The following C4orf50 variants were observed in gnomAD, a reference collection of about 807,000 sequenced individuals.
C4orf50 encodes uncharacterized protein C4orf50.
C4orf50 carries 80 observed loss-of-function variants against 77.2 expected under a neutral mutation model. The ratio of observed to expected loss-of-function variants is 1.04; its 90% CI spans 0.87 to 1.25. The LOEUF is 1.25. C4orf50 is among the 50% of genes most tolerant of loss of function. The pLI is 0.00. For synonymous variants in C4orf50, 532 were observed against 465.3 expected, an observed-to-expected ratio of 1.14 and a Z score of -1.84; for missense variants, 1,257 against 1,152.9, an observed-to-expected ratio of 1.09 and a Z score of -1.31.
chr4:5,921,767 T>G, intron 7 of C4orf50, among the ~76,000 whole-genome samples: 1 of 152,110 alleles, frequency 6.6e-6, no homozygotes, highest in East Asian at 1.9e-4. Flanking sequence ...ATAAGAAGTA[T>G]TTTTGCACAC....
downstream of C4orf50, among the ~76,000 whole-genome samples, chr4:5,953,811 G>A (rs571395201): frequency 3.9e-5 from 6 of 152,352 alleles, no homozygotes; most frequent in South Asian, 1.2e-3. Flanking sequence ...GCCACACAGT[G>A]CCTTTGTACA....
intron 7 of C4orf50, among the ~76,000 whole-genome samples, chr4:5,951,675 A>G (rs1266969566): frequency 6.6e-6 from 1 of 152,242 alleles, no homozygotes; most frequent in African/African-American, 2.4e-5. Flanking sequence ...TCCTTCCAAC[A>G]GAAAAATTAA....
At chr4:5,930,833 T>C (rs560298759) in intron 7 of C4orf50, among the ~76,000 whole-genome samples, 1 of 152,342 alleles carries the variant, frequency 6.6e-6, no homozygotes, top group South Asian at 2.1e-4. Context: ...CTGCTGTCCA[T>C]GATGCCCAGC....
chr4:5,972,939 A>G (rs986361061), intron 31 of C4orf50, among the ~76,000 whole-genome samples: 6 of 152,188 alleles, frequency 3.9e-5, no homozygotes, highest in African/African-American at 1.4e-4. Context: ...CCCGGAGCAC[A>G]TCTCCTAACC....
rs559755149 is a variant in C4orf50, at chr4:5,959,328, A to C, written c.*47T>G. The C allele has an allele frequency of 1.0e-5, 16 of 1,576,740 alleles. No individual in the cohort carries two copies. In the South Asian group the frequency reaches 1.8e-4, roughly 18 times the overall value. On this transcript the variant is annotated 3_prime_UTR_variant, in exon 34 of 34. Transcript: ENST00000531445. ...AGCACTCTCTGAAGGTTCTGCTTCA[A>C]ATATTTATGGAGTCTATGAAATGGC...
intron 7 of C4orf50, among the ~76,000 whole-genome samples, chr4:5,926,682 C>T (rs1278105815): frequency 6.6e-6 from 1 of 151,962 alleles, no homozygotes; most frequent in Non-Finnish European, 1.5e-5. Flanking sequence ...GGCCCACAGA[C>T]CATATTTTCT....
rs1477734058 is a variant in C4orf50 at position 6,007,990 on chromosome 4, A to G, written c.963+6T>C. ...ATCATTCCTACCCTGAGTTCCCGCCACTTACCAGGCTGCAGTGACCAATAG... is the reference window on the plus strand; with the variant it reads ...ATCATTCCTACCCTGAGTTCCCGCCGCTTACCAGGCTGCAGTGACCAATAG... On this transcript the variant is annotated splice_donor_region_variant and intron_variant, in intron 25 of 33. Transcript: ENST00000531445. The surrounding 1 kb of genome is among the most constrained non-coding windows in gnomAD (Gnocchi z 4.1). 5.0e-6 allele frequency: 2 copies of G among 399,122 alleles called. No homozygotes were observed. Among genetic ancestry groups the G allele is most frequent in the Admixed American group, 4.4e-5 (1 of 22,744 alleles). The allele number at this position is 399,122 out of a possible 1,614,324, so 24.7% of individuals were successfully genotyped here.
intron 27 of C4orf50, among the ~76,000 whole-genome samples, chr4:5,991,775 G>C (rs751971357): frequency 2.6e-5 from 4 of 152,154 alleles, no homozygotes; most frequent in Non-Finnish European, 5.9e-5. Context: ...TGAGCCTTTG[G>C]AGGGTGACAT....
rs1366606879 is a variant in C4orf50, at chr4:5,992,521, C to T, written c.1221+282G>A. 6.6e-6 allele frequency among the ~76,000 whole-genome samples: 1 copy of T among 152,090 alleles called. No individual in the cohort carries two copies. The highest frequency in any genetic ancestry group is 1.5e-5 in the Non-Finnish European group (1 of 67,998). Reference sequence around the variant, plus strand: ...CTCTCCAGAGCAGAGGTGGCAGCAACACCTCGTGGGTGTCAGGAGGTGTCA... The same window carrying T: ...CTCTCCAGAGCAGAGGTGGCAGCAATACCTCGTGGGTGTCAGGAGGTGTCA... On this transcript the variant is annotated intron_variant, in intron 27 of 33. Coordinates refer to ENST00000531445, the Ensembl canonical transcript of C4orf50. The surrounding 1 kb of genome is among the most constrained non-coding windows in gnomAD (Gnocchi z 5.0).
chr4:5,916,112 G>A lies in C4orf50; in HGVS notation c.*2475-17924C>T, dbSNP rs114242680. Among the ~76,000 whole-genome samples, 2,993 of 152,282 alleles carry A rather than the reference G, an allele frequency of 0.02. 53 individuals carry two copies. The highest frequency in any genetic ancestry group is 0.046 in the South Asian group (220 of 4,824). ...GCAGAGCTCAGCTCCACACAGTAGT[G>A]ACCAGGGACCCAAGCATTGCCAAGA... On this transcript the variant is annotated intron_variant, in intron 7 of 7. Coordinates refer to the C4orf50 transcript ENST00000324058. The surrounding 1 kb of genome is among the most constrained non-coding windows in gnomAD (Gnocchi z 4.4).
chr4:5,909,711 A>G (rs1293781665), intron 7 of C4orf50, among the ~76,000 whole-genome samples: 4 of 152,192 alleles, frequency 2.6e-5, no homozygotes, highest in African/African-American at 9.7e-5. Flanking sequence ...TCTAGTTTCA[A>G]TCTTCTGCGT....
intron 7 of C4orf50, among the ~76,000 whole-genome samples, chr4:5,941,387 G>T (rs980615509): frequency 6.6e-6 from 1 of 152,134 alleles, no homozygotes; most frequent in East Asian, 1.9e-4. Context: ...CTGGCATGCT[G>T]GTTCTGGTTC....
intron 7 of C4orf50, among the ~76,000 whole-genome samples, chr4:5,936,208 G>GA (rs11333410): frequency 0.022 from 3,216 of 147,178 alleles, 83 homozygotes; most frequent in African/African-American, 0.06. Context: ...CATGCTGCAG[G>GA]AAAAAAAAAA....
intron 31 of C4orf50, among the ~76,000 whole-genome samples, chr4:5,969,525 C>T (rs1560571678): frequency 6.6e-6 from 1 of 151,818 alleles, no homozygotes; most frequent in Non-Finnish European, 1.5e-5. Context: ...TACCTCTTTG[C>T]CCCGACTGGA....
chr4:5,935,807 A>AAAAAAAAAAAAAAAAC (rs1308157183), intron 7 of C4orf50, among the ~76,000 whole-genome samples: 1 of 145,334 alleles, frequency 6.9e-6, no homozygotes, highest in African/African-American at 2.7e-5. Context: ...AAAAAAAAAA[A>AAAAAAAAAAAAAAAAC]AAAGCCCCAG....
intron 7 of C4orf50, among the ~76,000 whole-genome samples, chr4:5,945,707 T>G (rs1165202047): frequency 6.6e-6 from 1 of 152,196 alleles, no homozygotes; most frequent in Non-Finnish European, 1.5e-5. Flanking sequence ...TGTTGCCATC[T>G]CAGTTGCTTC....
intron 31 of C4orf50, among the ~76,000 whole-genome samples, chr4:5,971,009 G>C (rs1195572422): frequency 6.6e-6 from 1 of 152,170 alleles, no homozygotes; most frequent in South Asian, 2.1e-4. Context: ...CAAAGGCAGG[G>C]GCCAGAGAAT....
Position 5,971,286 on chromosome 4 carries a change from G to A in C4orf50, c.4104+2373C>T, listed in dbSNP as rs1022883752. Among the ~76,000 whole-genome samples the A allele has an allele frequency of 3.9e-5, 6 of 152,264 alleles. 1 individual carries two copies. In the South Asian group the frequency reaches 1.0e-3, roughly 26 times the overall value. On this transcript the variant is annotated intron_variant, in intron 31 of 33. Transcript: ENST00000531445. The stretch of plus-strand genomic sequence containing the variant: ...CCATCAAGCAAGCAGCACTGGACCC[G>A]CTTCCTGCCTGGCTACCAGTAGGAG...
intron 7 of C4orf50, among the ~76,000 whole-genome samples, chr4:5,944,143 C>T (rs77945647): frequency 0.032 from 4,941 of 152,304 alleles, 159 homozygotes; most frequent in African/African-American, 0.078. Flanking sequence ...GGGCATCGAG[C>T]TTCCCTGGCC....
Sources: allele counts gnomAD v4.1 joint callset (sites outside exome capture counted in the v4.1 genomes callset), GRCh38; gene constraint gnomAD v4.1.1; non-coding constraint Gnocchi (gnomAD v3.1); transcripts MANE v1.5; gene names NCBI Gene and HGNC (gene_info 2026-07-23, HGNC 2026-07-21).